The following SEC31A variants were observed in gnomAD, a reference collection of about 807,000 sequenced individuals.
SEC31A encodes protein transport protein Sec31A.
In SEC31A, 70 loss-of-function variants were observed where a neutral mutation model predicts 151.0. The ratio of observed to expected loss-of-function variants is 0.46; its 90% CI spans 0.38 to 0.57. The LOEUF (loss-of-function observed/expected upper bound fraction) is 0.57. SEC31A is among the 20% of genes least tolerant of loss of function. The pLI, the probability that SEC31A is intolerant of heterozygous loss-of-function variation, is 0.00. For missense variants in SEC31A, 1,330 were observed against 1,471.2 expected, an observed-to-expected ratio of 0.90 and a Z score of 1.57; for synonymous variants, 475 against 505.9, an observed-to-expected ratio of 0.94 and a Z score of 0.82.
At chr4:82,869,753 A>G (rs1736240389) in intron 8 of SEC31A, among the ~76,000 whole-genome samples, 1 of 152,136 alleles carries the variant, frequency 6.6e-6, no homozygotes, top group Non-Finnish European at 1.5e-5. Context: ...GCTTGTTTTA[A>G]TTTTAACAAT....
intron 1 of SEC31A, among the ~76,000 whole-genome samples, chr4:82,882,265 T>A (rs1403505156): frequency 6.6e-6 from 1 of 151,904 alleles, no homozygotes; most frequent in Non-Finnish European, 1.5e-5. Flanking sequence ...TAGCCGGGCG[T>A]GGTGGCGGGC....
At position 82,856,236 on chromosome 4, in the gene SEC31A, T is replaced by C. The variant is rs562034860; in HGVS notation, c.1881+716A>G. ...CGTGATCTCGGCTCACCGCATCCTC[T>C]GCCTCCAAGGTTCAAGCGATTCTCC... On this transcript the variant is annotated intron_variant, in intron 16 of 26. Coordinates refer to ENST00000395310, the MANE Select transcript of SEC31A (RefSeq NM_001077207.4). 3.4e-4 allele frequency among the ~76,000 whole-genome samples: 52 copies of C among 152,056 alleles called. No homozygotes were observed. In the South Asian group the frequency reaches 8.5e-3, roughly 25 times the overall value.
At chr4:82,879,725 C>A (rs931398962) in intron 3 of SEC31A, among the ~76,000 whole-genome samples, 1 of 152,118 alleles carries the variant, frequency 6.6e-6, no homozygotes, top group Non-Finnish European at 1.5e-5. Context: ...TCTCTTTAAA[C>A]CCTGCTAATA....
intron 22 of SEC31A, among the ~76,000 whole-genome samples, chr4:82,834,985 A>G (rs895675935): frequency 2.0e-5 from 3 of 152,172 alleles, no homozygotes; most frequent in African/African-American, 7.2e-5. Context: ...AGCTGGAATT[A>G]CAGGTGCTCG....
intron 3 of SEC31A, 52 bp from the exon 4 acceptor site, chr4:82,878,980 G>C (rs1738635713): frequency 7.1e-7 from 1 of 1,407,556 alleles, no homozygotes; most frequent in East Asian, 2.3e-5. Context: ...AATAAATGTA[G>C]ACAAAAAATT....
At chr4:82,840,838 A>G (rs1386741001) in intron 22 of SEC31A, among the ~76,000 whole-genome samples, 5 of 152,188 alleles carry the variant, frequency 3.3e-5, no homozygotes, top group Non-Finnish European at 7.3e-5. Flanking sequence ...AACATGGTAT[A>G]CCTGTATAGG....
At chr4:82,891,275 A>T (rs952327335), upstream of SEC31A, 9 of 1,193,570 alleles carry the variant, frequency 7.5e-6, no homozygotes, top group Admixed American at 2.2e-5. Flanking sequence ...CGCCCACCCG[A>T]CGCACAGCCC....
intron 14 of SEC31A, among the ~76,000 whole-genome samples, chr4:82,860,516 C>T (rs563895486): frequency 6.6e-6 from 1 of 152,268 alleles, no homozygotes; most frequent in East Asian, 1.9e-4. Flanking sequence ...TGCTCTGTCA[C>T]CCAGGCTGGA....
chr4:82,899,153 GC>G (rs1163375058), intron 3 of SEC31A, among the ~76,000 whole-genome samples: 4 of 152,204 alleles, frequency 2.6e-5, no homozygotes, highest in Non-Finnish European at 5.9e-5. Context: ...AGTGTACAGA[GC>G]AGGCAGAGGC....
intron 20 of SEC31A, among the ~76,000 whole-genome samples, chr4:82,846,366 C>CATAACAATA (rs1553928455): frequency 5.0e-5 from 7 of 140,546 alleles, no homozygotes; most frequent in African/African-American, 7.8e-5. Context: ...AACTCCAAAA[C>CATAACAATA]ATAATAATAA....
rs745582044 is a variant in SEC31A, at chr4:82,863,396, T to TA, written c.1435-5dup. 679 of 1,489,992 alleles carry TA rather than the reference T, an allele frequency of 4.6e-4. No homozygotes were observed. Among genetic ancestry groups the TA allele is most frequent in the East Asian group, 4.8e-4 (20 of 41,684 alleles). 92.3% of individuals were successfully genotyped at this position (1,489,992 alleles called of 1,614,324 possible). ...GAGAATCATCCTCAAAGTTTACCTTTAAAAAAAAAGACATATTCTTAAAAC... is the reference window on the plus strand; with the variant it reads ...GAGAATCATCCTCAAAGTTTACCTTTAAAAAAAAAAGACATATTCTTAAAAC... On this transcript the variant is annotated splice_polypyrimidine_tract_variant and splice_region_variant and intron_variant, in intron 11 of 26. Coordinates refer to ENST00000395310, the MANE Select transcript of SEC31A (RefSeq NM_001077207.4).
At chr4:82,849,061 C>T in intron 19 of SEC31A, 84 bp from the exon 20 acceptor site, 1 of 1,214,718 alleles carries the variant, frequency 8.2e-7, no homozygotes. Context: ...TCAGATTATT[C>T]ATCAAGATAT....
chr4:82,844,531 A>G, intron 20 of SEC31A, 22 bp from the exon 21 acceptor site: 1 of 1,611,150 alleles, frequency 6.2e-7, no homozygotes, highest in Non-Finnish European at 8.5e-7. Flanking sequence ...GAACATGGTA[A>G]GAAGGCGGAT....
chr4:82,858,854 C>T (rs920149536), intron 14 of SEC31A, among the ~76,000 whole-genome samples: 10 of 151,668 alleles, frequency 6.6e-5, no homozygotes, highest in Admixed American at 6.6e-5. Context: ...AGGTGCCCAC[C>T]ACCATGCCTG....
chr4:82,833,957 T>C (rs1726628196), intron 22 of SEC31A, among the ~76,000 whole-genome samples: 1 of 152,244 alleles, frequency 6.6e-6, no homozygotes, highest in Admixed American at 6.5e-5. Context: ...AGTGCAATTC[T>C]AATGTTTACT....
chr4:82,827,884 A>T (rs1724969042), intron 23 of SEC31A, among the ~76,000 whole-genome samples: 1 of 151,600 alleles, frequency 6.6e-6, no homozygotes, highest in Non-Finnish European at 1.5e-5. Context: ...ACCCTCCCAT[A>T]CTTATCCCCA....
chr4:82,874,798 A>T, intron 5 of SEC31A, 47 bp from the exon 6 acceptor site: 2 of 1,569,888 alleles, frequency 1.3e-6, no homozygotes, highest in Non-Finnish European at 1.7e-6. Context: ...TCTCTATTAT[A>T]ATCAAATTTA....
At chr4:82,881,626 G>A (rs1440232099) in intron 2 of SEC31A, among the ~76,000 whole-genome samples, 2 of 151,834 alleles carry the variant, frequency 1.3e-5, no homozygotes, top group Non-Finnish European at 2.9e-5. Flanking sequence ...TAATACTGGA[G>A]GAATAAAGAT....
chr4:82,862,545 C>T lies in SEC31A; in HGVS notation c.1537G>A (p.Gly513Arg). Residue 513 changes from glycine to arginine, a missense_variant, in exon 13 of 27, where the codon GGA (glycine) becomes AGA (arginine). Coordinates refer to ENST00000395310, the MANE Select transcript of SEC31A (RefSeq NM_001077207.4). ...KIALALNKVDGANVALKDSDQ... is the reference protein window; with the variant it reads ...KIALALNKVDRANVALKDSDQ... ...AAAGGCCTTCTTACCACATTGGCTC[C>T]ATCCACTTTGTTCAAGGCCAAAGCA... 6.2e-7 allele frequency: 1 copy of T among 1,613,626 alleles called. No individual in the cohort carries two copies. Among genetic ancestry groups the T allele is most frequent in the Non-Finnish European group, 8.5e-7 (1 of 1,179,642 alleles).
Sources: gnomAD v4.1 joint callset for allele counts (sites outside exome capture counted in the v4.1 genomes callset) on GRCh38, gnomAD v4.1.1 for gene constraint, MANE v1.5 for transcripts, NCBI Gene and HGNC (gene_info 2026-07-23, HGNC 2026-07-21) for gene names.